Variants in EHBP1 observed in about 807,000 individuals in gnomAD.
EHBP1 encodes the protein EH domain binding protein 1, also known as EH domain-binding protein 1.
Under a neutral mutation model 144.0 loss-of-function variants are expected in EHBP1, and 55 were observed. The observed-to-expected ratio is 0.38, with a 90% CI of 0.31 to 0.48. The LOEUF is 0.48. Ranked by LOEUF, EHBP1 falls within the 20% of genes least tolerant of loss-of-function variation. EHBP1 has a pLI of 0.98. For missense variants in EHBP1, 1,200 were observed against 1,364.2 expected, an observed-to-expected ratio of 0.88 and a Z score of 1.90; for synonymous variants, 469 against 472.7, an observed-to-expected ratio of 0.99 and a Z score of 0.10.
intron 21 of EHBP1, chr2:63,043,967 T>TTTTTTTTTTTTTG (rs2061803102): frequency 7.7e-6 from 1 of 129,592 alleles, no homozygotes; most frequent in African/African-American, 2.9e-5. Flanking sequence ...TTTTTTTTTT[T>TTTTTTTTTTTTTG]TTTTAAGCTG....
At chr2:62,674,320 A>G (rs2033208742) in intron 1 of EHBP1, among the ~76,000 whole-genome samples, 1 of 152,196 alleles carries the variant, frequency 6.6e-6, no homozygotes, top group South Asian at 2.1e-4. Flanking sequence ...CTGAGCATTC[A>G]CCTGGCTGCT....
intron 5 of EHBP1, among the ~76,000 whole-genome samples, chr2:62,803,197 A>T (rs1280010683): frequency 1.3e-5 from 2 of 152,148 alleles, no homozygotes; most frequent in Non-Finnish European, 1.5e-5. Context: ...TAGTGTTATG[A>T]ATAGCACTGC....
upstream of EHBP1, among the ~76,000 whole-genome samples, chr2:62,702,942 G>A (rs1031132873): frequency 2.8e-4 from 42 of 152,328 alleles, 3 homozygotes; most frequent in East Asian, 2.5e-3. Flanking sequence ...GAGAGGTTAA[G>A]TAACTCGTGT....
intron 10 of EHBP1, among the ~76,000 whole-genome samples, chr2:62,907,522 C>A (rs922996822): frequency 7.9e-5 from 12 of 152,146 alleles, no homozygotes; most frequent in Admixed American, 7.9e-4. Context: ...TGGTGAGGGT[C>A]TGCTTCATGG....
chr2:62,839,823 T>C (rs1265217063), intron 7 of EHBP1, among the ~76,000 whole-genome samples: 1 of 152,022 alleles, frequency 6.6e-6, no homozygotes, highest in African/African-American at 2.4e-5. Flanking sequence ...AAACCACTGC[T>C]CAAGGAAATA....
chr2:62,824,224 G>T (rs2046185035), intron 5 of EHBP1, among the ~76,000 whole-genome samples: 1 of 151,782 alleles, frequency 6.6e-6, no homozygotes, highest in Non-Finnish European at 1.5e-5. Flanking sequence ...AATTTTTATA[G>T]CTTATTCAGT....
At chr2:62,764,220 G>T (rs758790309) in intron 3 of EHBP1, 46 bp from the exon 4 acceptor site, 27 of 1,305,390 alleles carry the variant, frequency 2.1e-5, no homozygotes, top group Non-Finnish European at 2.8e-5. Flanking sequence ...TACTAACATT[G>T]CATTTCCCAT....
In EHBP1 at chr2:62,864,902, T is replaced by G. The variant is rs377451525; in HGVS notation, c.929T>G (p.Ile310Arg). ...SPPQSTKRKN[I>R]RPVDMSKYLY... is the part of the protein sequence containing the mutation. The stretch of plus-strand genomic sequence containing the variant: ...CCCCAGTCTACAAAAAGAAAAAATA[T>G]AAGACCTGTGGATATGAGCAAGTAC... Residue 310 changes from isoleucine (I) to arginine (R), a missense_variant, in exon 9 of 23, where the codon ATA (isoleucine) becomes AGA (arginine). Physicochemically the swap from Ile to Arg is moderately conservative, Grantham distance 97. Coordinates refer to ENST00000431489, the MANE Select transcript of EHBP1 (RefSeq NM_001142616.3). 2 of 1,614,030 alleles carry G rather than the reference T, an allele frequency of 1.2e-6. No individual in the cohort carries two copies. The highest frequency in any genetic ancestry group is 1.7e-6 in the Non-Finnish European group (2 of 1,179,954).
Position 62,996,551 on chromosome 2 carries a change from C to T in EHBP1, c.2980-92C>T, listed in dbSNP as rs2059634260. 5.9e-6 allele frequency: 9 copies of T among 1,523,236 alleles called. No homozygotes were observed. In the East Asian group the frequency reaches 1.8e-4, roughly 31 times the overall value. The allele number at this position is 1,523,236 out of a possible 1,614,324, so 94.4% of individuals were successfully genotyped here. On this transcript the variant is annotated intron_variant, in intron 18 of 22. Transcript: ENST00000431489. ...GGTGATACTAACGGTGTATTTGGTT[C>T]TCTAGGTAAGTGCTTTACTAAGTGT... is the stretch of plus-strand genomic sequence containing the variant.
intron 10 of EHBP1, among the ~76,000 whole-genome samples, chr2:62,888,067 C>T (rs1411004081): frequency 1.3e-5 from 2 of 152,086 alleles, no homozygotes; most frequent in Non-Finnish European, 2.9e-5. Flanking sequence ...TAGGGTGAGG[C>T]AAGAGAAATT....
chr2:62,907,053 C>T (rs577448388), intron 10 of EHBP1, among the ~76,000 whole-genome samples: 1 of 152,194 alleles, frequency 6.6e-6, no homozygotes, highest in Non-Finnish European at 1.5e-5. Flanking sequence ...TGAAGGACAT[C>T]TGATTGTTTC....
At chr2:62,909,119 G>C (rs2054009340) in intron 10 of EHBP1, among the ~76,000 whole-genome samples, 1 of 152,166 alleles carries the variant, frequency 6.6e-6, no homozygotes, top group Non-Finnish European at 1.5e-5. Flanking sequence ...TTTGTTACAT[G>C]AATATATTGT....
At chr2:62,875,312 A>G (rs1479039523) in intron 10 of EHBP1, among the ~76,000 whole-genome samples, 3 of 152,336 alleles carry the variant, frequency 2.0e-5, no homozygotes, top group African/African-American at 7.2e-5. Flanking sequence ...TTGAGGTCCC[A>G]GATAACAAAG....
intron 2 of EHBP1, among the ~76,000 whole-genome samples, chr2:62,737,918 C>G (rs1412768251): frequency 6.6e-6 from 1 of 152,124 alleles, no homozygotes; most frequent in African/African-American, 2.4e-5. Context: ...GTCATGCCAT[C>G]ATGTCCGGCT....
At chr2:62,866,210 C>T (rs2050022453) in intron 9 of EHBP1, among the ~76,000 whole-genome samples, 1 of 152,226 alleles carries the variant, frequency 6.6e-6, no homozygotes, top group East Asian at 1.9e-4. Flanking sequence ...GCCTACCTAA[C>T]AAAGCTTAAA....
At chr2:62,931,769 T>C (rs559127950) in intron 10 of EHBP1, among the ~76,000 whole-genome samples, 2 of 152,334 alleles carry the variant, frequency 1.3e-5, no homozygotes, top group African/African-American at 4.8e-5. Context: ...TGCCACCTGT[T>C]AGTCACTTAG....
intron 14 of EHBP1, among the ~76,000 whole-genome samples, chr2:62,976,615 G>A (rs139395298): frequency 1.5e-3 from 231 of 152,114 alleles, no homozygotes; most frequent in Middle Eastern, 3.4e-3. Context: ...TTCCTCTTAT[G>A]TACGTATAGA....
chr2:62,739,705 G>C (rs1422917980), intron 2 of EHBP1, among the ~76,000 whole-genome samples: 1 of 152,018 alleles, frequency 6.6e-6, no homozygotes, highest in African/African-American at 2.4e-5. Flanking sequence ...CACTTTGGGA[G>C]GCTGAGGCAG....
intron 14 of EHBP1, among the ~76,000 whole-genome samples, chr2:62,969,092 CT>C (rs11351030): frequency 0.63 from 95,494 of 151,922 alleles, 30,155 homozygotes; most frequent in South Asian, 0.69. Context: ...TCAAAGGGTC[CT>C]TTTTTTGGAG....
Sources: gnomAD v4.1 joint callset for allele counts (sites outside exome capture counted in the v4.1 genomes callset) on GRCh38, gnomAD v4.1.1 for gene constraint, MANE v1.5 for transcripts, NCBI Gene and HGNC (gene_info 2026-07-23, HGNC 2026-07-21) for gene names.